PRKG1: variants seen among roughly 807,000 people sequenced by gnomAD.
PRKG1 encodes protein kinase cGMP-dependent 1, also known as cGMP-dependent protein kinase 1.
Under a neutral mutation model 88.1 loss-of-function variants are expected in PRKG1, and 35 were observed. That is an observed-to-expected ratio of 0.40 (90% CI 0.30 to 0.53). The LOEUF (loss-of-function observed/expected upper bound fraction) is 0.53, where lower values mean the gene tolerates loss of function less well. Among genes scored for constraint, PRKG1 ranks in the 20% least tolerant of loss-of-function variants. The probability of loss-of-function intolerance (pLI) is 0.59; values close to 1 mark genes in which losing one functional copy is unlikely to be tolerated. For synonymous variants in PRKG1, 303 were observed against 292.5 expected (o/e 1.04, Z -0.37); for missense variants, 540 against 839.8 (o/e 0.64, Z 4.41).
At chr10:51,479,034 A>G (rs1057292993) in intron 3 of PRKG1, among the ~76,000 whole-genome samples, 2 of 152,006 alleles carry the variant, frequency 1.3e-5, no homozygotes, top group Non-Finnish European at 2.9e-5. Flanking sequence ...TCAGAAGCAA[A>G]AAGAGAGAAA....
intron 8 of PRKG1, among the ~76,000 whole-genome samples, chr10:52,149,786 A>C (rs12570780): frequency 2.0e-5 from 3 of 151,024 alleles, no homozygotes; most frequent in Non-Finnish European, 3.0e-5. Flanking sequence ...ACTTCCCTAA[A>C]TGGAACTTTT....
At chr10:51,301,103 A>T (rs1030638007) in intron 2 of PRKG1, among the ~76,000 whole-genome samples, 1 of 152,196 alleles carries the variant, frequency 6.6e-6, no homozygotes, top group East Asian at 1.9e-4. Context: ...AGGGAGAAAC[A>T]TTCATGTCTG....
intron 7 of PRKG1, among the ~76,000 whole-genome samples, chr10:52,114,336 G>A (rs952032228): frequency 3.9e-5 from 6 of 152,090 alleles, no homozygotes; most frequent in Non-Finnish European, 7.4e-5. Context: ...ATCTCTTTGA[G>A]CTTCAATTTC....
intron 3 of PRKG1, among the ~76,000 whole-genome samples, chr10:51,709,186 A>C (rs1841681658): frequency 6.6e-6 from 1 of 152,232 alleles, no homozygotes; most frequent in Non-Finnish European, 1.5e-5. Context: ...AATATAAAAC[A>C]GTAGAGGAAT....
intron 3 of PRKG1, among the ~76,000 whole-genome samples, chr10:51,610,232 T>C (rs2132242676): frequency 6.6e-6 from 1 of 152,296 alleles, no homozygotes; most frequent in South Asian, 2.1e-4. Context: ...AGCTTATTCC[T>C]TCTATTGAAC....
intron 5 of PRKG1, among the ~76,000 whole-genome samples, chr10:51,981,361 G>A (rs1844005293): frequency 6.6e-6 from 1 of 152,116 alleles, no homozygotes. Flanking sequence ...CAAGGTGGGT[G>A]GATCACCTGA....
At chr10:51,658,136 C>G (rs1840207886) in intron 3 of PRKG1, among the ~76,000 whole-genome samples, 1 of 152,060 alleles carries the variant, frequency 6.6e-6, no homozygotes, top group Admixed American at 6.6e-5. Flanking sequence ...CAGAAACTAT[C>G]CCATTGGCAA....
rs1364220385 is a variant in PRKG1 at position 52,294,931 on chromosome 10, A to G, written c.*1031A>G. The G allele has an allele frequency of 6.6e-6, 1 of 152,580 alleles. No homozygotes were observed. Among genetic ancestry groups the G allele is most frequent in the African/African-American group, 2.4e-5 (1 of 41,450 alleles). 9.5% of individuals were successfully genotyped at this position (152,580 alleles called of 1,614,324 possible). On this transcript the variant is annotated 3_prime_UTR_variant, in exon 18 of 18. Coordinates refer to ENST00000373980, the MANE Select transcript of PRKG1 (RefSeq NM_006258.4). ...ACAGACAACACAAATTCAAATCATT[A>G]TACGTGTAGCCAGAAACTCAAGCAT...
chr10:51,020,729 A>G (rs141683566), intron 1 of PRKG1, among the ~76,000 whole-genome samples: 2 of 152,286 alleles, frequency 1.3e-5, no homozygotes, highest in East Asian at 1.9e-4. Flanking sequence ...ATCTCAGTCC[A>G]CTTTAGTCAG....
intron 2 of PRKG1, among the ~76,000 whole-genome samples, chr10:51,279,514 G>T (rs1840231353): frequency 6.6e-6 from 1 of 152,194 alleles, no homozygotes; most frequent in Non-Finnish European, 1.5e-5. Flanking sequence ...GGGAGTCTAA[G>T]TCTCTTTGTA....
intron 3 of PRKG1, among the ~76,000 whole-genome samples, chr10:51,718,242 G>A (rs1469444665): frequency 2.0e-5 from 3 of 152,160 alleles, no homozygotes; most frequent in Admixed American, 1.3e-4. Context: ...TGAAAAGGTC[G>A]CTTCTAAGCT....
intron 3 of PRKG1, among the ~76,000 whole-genome samples, chr10:51,689,795 C>T (rs1841090055): frequency 6.6e-6 from 1 of 151,656 alleles, no homozygotes; most frequent in Admixed American, 6.6e-5. Context: ...GGGTGATGAG[C>T]AAGAGAAACT....
intron 9 of PRKG1, among the ~76,000 whole-genome samples, chr10:52,181,270 T>G (rs1033135176): frequency 6.6e-6 from 1 of 152,096 alleles, no homozygotes; most frequent in African/African-American, 2.4e-5. Context: ...CTTAGGTACA[T>G]GTCTCCTGGG....
intron 9 of PRKG1, among the ~76,000 whole-genome samples, chr10:52,171,056 C>G (rs1367022514): frequency 2.0e-5 from 3 of 151,784 alleles, no homozygotes; most frequent in Admixed American, 2.0e-4. Flanking sequence ...TTTCTAAATG[C>G]ACACTTGAGT....
At chr10:52,195,979 T>C (rs1224237818) in intron 9 of PRKG1, among the ~76,000 whole-genome samples, 3 of 152,146 alleles carry the variant, frequency 2.0e-5, no homozygotes, top group African/African-American at 7.2e-5. Flanking sequence ...ATGTGTGTAA[T>C]GGTTGATTAA....
At chr10:51,081,252 G>A (rs756334203) in intron 1 of PRKG1, among the ~76,000 whole-genome samples, 2 of 152,142 alleles carry the variant, frequency 1.3e-5, no homozygotes, top group African/African-American at 2.4e-5. Context: ...AATGCATATC[G>A]AGGGAACAAG....
chr10:51,286,439 C>G (rs1370048868), intron 2 of PRKG1, among the ~76,000 whole-genome samples: 1 of 152,166 alleles, frequency 6.6e-6, no homozygotes, highest in Non-Finnish European at 1.5e-5. Context: ...CTTCTTATAA[C>G]ATTTATTTCT....
intron 2 of PRKG1, among the ~76,000 whole-genome samples, chr10:51,384,379 G>A (rs1181884777): frequency 6.6e-6 from 1 of 152,144 alleles, no homozygotes; most frequent in Non-Finnish European, 1.5e-5. Context: ...CAGTGCTTAT[G>A]GCAGAGGCTG....
chr10:51,052,852 G>A (rs1282637672), intron 1 of PRKG1, among the ~76,000 whole-genome samples: 1 of 152,088 alleles, frequency 6.6e-6, no homozygotes, highest in Non-Finnish European at 1.5e-5. Flanking sequence ...TATATAAAGG[G>A]TCTTATAAAG....
Sources: allele counts gnomAD v4.1 joint callset (sites outside exome capture counted in the v4.1 genomes callset), GRCh38; gene constraint gnomAD v4.1.1; transcripts MANE v1.5; gene names NCBI Gene and HGNC (gene_info 2026-07-23, HGNC 2026-07-21).